Variants in EPM2A observed in about 807,000 individuals in gnomAD.
EPM2A encodes EPM2A glucan phosphatase, laforin.
EPM2A carries 21 observed loss-of-function variants against 26.5 expected under a neutral mutation model. That is an observed-to-expected ratio of 0.79 (90% CI 0.56 to 1.14). The LOEUF (loss-of-function observed/expected upper bound fraction) is 1.14, where lower values mean the gene tolerates loss of function less well. Ranked by LOEUF, EPM2A falls within the 50% of genes most tolerant of loss-of-function variation. The pLI is 0.00. For synonymous variants in EPM2A, 217 were observed against 177.6 expected (o/e 1.22, Z -1.76); for missense variants, 458 against 440.8 (o/e 1.04, Z -0.35).
intron 2 of EPM2A, among the ~76,000 whole-genome samples, chr6:145,557,263 CAG>C (rs886597202): frequency 6.6e-5 from 10 of 152,092 alleles, no homozygotes; most frequent in African/African-American, 2.2e-4. Flanking sequence ...TAGCAAGAAG[CAG>C]AGAGTGAGGG....
At chr6:145,390,000 T>A (rs1483164414) in intron 4 of EPM2A, among the ~76,000 whole-genome samples, 1 of 152,174 alleles carries the variant, frequency 6.6e-6, no homozygotes, top group Non-Finnish European at 1.5e-5. Flanking sequence ...GATTTCCTGA[T>A]AGACAGAACC....
intron 2 of EPM2A, among the ~76,000 whole-genome samples, chr6:145,532,080 C>A (rs1428601380): frequency 6.6e-6 from 1 of 152,134 alleles, no homozygotes; most frequent in East Asian, 1.9e-4. Context: ...AAGAATGTTG[C>A]TAATTATACT....
intron 2 of EPM2A, among the ~76,000 whole-genome samples, chr6:145,653,788 C>T (rs912380818): frequency 1.3e-5 from 2 of 152,144 alleles, no homozygotes; most frequent in South Asian, 2.1e-4. Context: ...GTGAAGCCCA[C>T]TCACATTATG....
At chr6:145,491,324 T>C in intron 4 of EPM2A, 1 of 339,140 alleles carries the variant, frequency 2.9e-6, no homozygotes. Flanking sequence ...GGAGGGAGCA[T>C]GCAGGTGAGC....
At chr6:145,613,204 T>A (rs1368915968) in intron 2 of EPM2A, among the ~76,000 whole-genome samples, 11 of 152,238 alleles carry the variant, frequency 7.2e-5, no homozygotes. Flanking sequence ...GAAACCACTT[T>A]ATTTGTTCAT....
chr6:145,582,405 C>T (rs1052120976), intron 2 of EPM2A, among the ~76,000 whole-genome samples: 2 of 152,132 alleles, frequency 1.3e-5, no homozygotes, highest in African/African-American at 4.8e-5. Context: ...AAGAAGAAGG[C>T]ACATTCTGTT....
At chr6:145,711,457 C>G (rs989775491) in intron 1 of EPM2A, among the ~76,000 whole-genome samples, 11 of 152,082 alleles carry the variant, frequency 7.2e-5, no homozygotes, top group Non-Finnish European at 1.3e-4. Flanking sequence ...TGAATTTAAA[C>G]TACTTATAGG....
intron 4 of EPM2A, among the ~76,000 whole-genome samples, chr6:145,474,523 A>G (rs1466992041): frequency 1.3e-5 from 2 of 152,166 alleles, no homozygotes; most frequent in African/African-American, 4.8e-5. Context: ...AAAACCCTAG[A>G]AGAAAATCTA....
intron 1 of EPM2A, among the ~76,000 whole-genome samples, chr6:145,697,751 CT>C (rs1278372930): frequency 6.6e-6 from 1 of 152,196 alleles, no homozygotes; most frequent in Non-Finnish European, 1.5e-5. Context: ...GCCCAGCTCA[CT>C]GGCGGTCAGA....
intron 2 of EPM2A, among the ~76,000 whole-genome samples, chr6:145,518,886 C>T (rs374478): frequency 0.36 from 54,383 of 151,882 alleles, 10,306 homozygotes; most frequent in South Asian, 0.51. Flanking sequence ...CTGTGAGATG[C>T]CAACCAGACA....
chr6:145,585,843 T>C (rs560689086), intron 2 of EPM2A, among the ~76,000 whole-genome samples: 2 of 152,336 alleles, frequency 1.3e-5, no homozygotes, highest in East Asian at 1.9e-4. Context: ...CAGCAGTCTT[T>C]AGTTTATGGC....
chr6:145,529,321 A>C (rs1368916263), intron 2 of EPM2A, among the ~76,000 whole-genome samples: 2 of 152,150 alleles, frequency 1.3e-5, no homozygotes, highest in Non-Finnish European at 2.9e-5. Flanking sequence ...GATACAGATA[A>C]ATCTTTTATG....
intron 2 of EPM2A, among the ~76,000 whole-genome samples, chr6:145,657,709 G>T (rs1303305687): frequency 6.6e-6 from 1 of 152,200 alleles, no homozygotes; most frequent in Non-Finnish European, 1.5e-5. Flanking sequence ...CCACAGGGCA[G>T]ATTTTTATTA....
At chr6:145,622,508 G>A (rs1285229819), downstream of EPM2A, among the ~76,000 whole-genome samples, 2 of 152,148 alleles carry the variant, frequency 1.3e-5, no homozygotes, top group African/African-American at 4.8e-5. Context: ...GATATAATTA[G>A]TTAAGAAGAG....
downstream of EPM2A, among the ~76,000 whole-genome samples, chr6:145,497,638 C>G (rs1054332758): frequency 6.6e-6 from 1 of 152,182 alleles, no homozygotes; most frequent in African/African-American, 2.4e-5. Context: ...GAGACCGGAA[C>G]AGCTAAGTTG....
At chr6:145,551,556 A>G (rs1372301345) in intron 2 of EPM2A, among the ~76,000 whole-genome samples, 1 of 152,142 alleles carries the variant, frequency 6.6e-6, no homozygotes, top group Non-Finnish European at 1.5e-5. Context: ...TGAGACCTCA[A>G]CTTGGCCTTC....
rs949198892 is a variant in EPM2A at position 145,626,886 on chromosome 6, A to G, written c.*530T>C. 1.1e-5 allele frequency: 11 copies of G among 994,788 alleles called. 1 individual carries two copies. Among genetic ancestry groups the G allele is most frequent in the Non-Finnish European group, 1.3e-5 (11 of 834,944 alleles). 61.6% of individuals were successfully genotyped at this position (994,788 alleles called of 1,614,324 possible). A position where few individuals can be genotyped will look rare whatever the true frequency, so the allele number is the denominator to read the frequency against. ...GACTTTAACAACTGTGAGGCAGGAT[A>G]AAAAACAAGTCCTGAAAGCCATCAC... On this transcript the variant is annotated 3_prime_UTR_variant, in exon 4 of 4. Transcript: ENST00000367519.
intron 1 of EPM2A, among the ~76,000 whole-genome samples, chr6:145,714,824 C>A (rs997420758): frequency 3.9e-5 from 6 of 152,220 alleles, no homozygotes; most frequent in Non-Finnish European, 7.3e-5. Context: ...GACCTGCCCT[C>A]ATGATTCAAT....
chr6:145,469,954 T>G (rs562685090), intron 4 of EPM2A, among the ~76,000 whole-genome samples: 10 of 152,088 alleles, frequency 6.6e-5, no homozygotes, highest in Non-Finnish European at 1.5e-4. Flanking sequence ...CATGTATTTG[T>G]GGGAACTAAA....
Sources: gnomAD v4.1 joint callset for allele counts (sites outside exome capture counted in the v4.1 genomes callset) on GRCh38, gnomAD v4.1.1 for gene constraint, MANE v1.5 for transcripts, NCBI Gene and HGNC (gene_info 2026-07-23, HGNC 2026-07-21) for gene names.